Variants in WDR89 observed in about 807,000 individuals in gnomAD.
The protein encoded by WDR89 is WD repeat domain 89.
In WDR89, 17 loss-of-function variants were observed where a neutral mutation model predicts 29.1. The ratio of observed to expected loss-of-function variants is 0.58; its 90% CI spans 0.40 to 0.88. The LOEUF (loss-of-function observed/expected upper bound fraction) is 0.88, where lower values mean the gene tolerates loss of function less well. Among genes scored for constraint, WDR89 ranks in the 40% least tolerant of loss-of-function variants. WDR89 has a pLI of 0.00. For synonymous variants in WDR89, 138 were observed against 157.8 expected (o/e 0.87, Z 0.94); for missense variants, 396 against 456.3 (o/e 0.87, Z 1.20).
At chr14:63,638,018 T>C (rs1328187817) in intron 1 of WDR89, among the ~76,000 whole-genome samples, 1 of 152,026 alleles carries the variant, frequency 6.6e-6, no homozygotes, top group Non-Finnish European at 1.5e-5. Flanking sequence ...CGATCTTGGC[T>C]CACTGCAACC....
intron 1 of WDR89, among the ~76,000 whole-genome samples, chr14:63,631,453 T>C (rs941105469): frequency 2.0e-5 from 3 of 151,974 alleles, no homozygotes; most frequent in Admixed American, 2.0e-4. Context: ...GCAGGCTCAA[T>C]CTCCCAGGCT....
chr14:63,638,681 A>T (rs1178743739), intron 1 of WDR89, among the ~76,000 whole-genome samples: 1 of 152,246 alleles, frequency 6.6e-6, no homozygotes, highest in Non-Finnish European at 1.5e-5. Context: ...TCCAGTGGAA[A>T]AATTGGCGAA....
intron 2 of WDR89, chr14:63,618,250 G>T (rs1019324287): frequency 2.6e-5 from 4 of 152,160 alleles, no homozygotes; most frequent in African/African-American, 7.2e-5. Flanking sequence ...AGCATCCCAG[G>T]ATCAAATGAT....
In WDR89 at chr14:63,598,862, C is replaced by T. The variant is rs1388874515; in HGVS notation, c.1081G>A (p.Glu361Lys). Residue 361 changes from glutamate to lysine, a missense_variant, in exon 3 of 3, where the codon GAG (glutamate) becomes AAG (lysine). Transcript: ENST00000620954. The part of the protein sequence containing the change: ...GAIEKTFTKK[E>K]SMKIASSVHQ... ...ACAGAGGATGCTATTTTCATACTCT[C>T]TTTCTTTGTAAAGGTCTTCTCTATA... The T allele has an allele frequency of 6.2e-7, 1 of 1,614,002 alleles. No homozygotes were observed. The highest frequency in any genetic ancestry group is 2.2e-5 in the East Asian group (1 of 44,894).
intron 1 of WDR89, among the ~76,000 whole-genome samples, chr14:63,633,885 A>G (rs992732095): frequency 6.6e-6 from 1 of 152,234 alleles, no homozygotes; most frequent in African/African-American, 2.4e-5. Flanking sequence ...AGAACTGAAA[A>G]TCATGTACGG....
chr14:63,629,756 G>A (rs532953862), intron 1 of WDR89, among the ~76,000 whole-genome samples: 28 of 152,240 alleles, frequency 1.8e-4, no homozygotes, highest in Middle Eastern at 3.4e-3. Flanking sequence ...CAACTAAAAC[G>A]TCAAACTTTA....
chr14:63,600,916 GCCCA>G (rs1895036840), intron 2 of WDR89, among the ~76,000 whole-genome samples: 1 of 152,002 alleles, frequency 6.6e-6, no homozygotes, highest in South Asian at 2.1e-4. Context: ...TATCACCGTG[GCCCA>G]ATATGGTAAC....
At chr14:63,607,660 T>C (rs1881660491) in intron 2 of WDR89, among the ~76,000 whole-genome samples, 1 of 151,684 alleles carries the variant, frequency 6.6e-6, no homozygotes, top group Non-Finnish European at 1.5e-5. Context: ...GGCAGGCAGA[T>C]CACCTGAGGT....
intron 2 of WDR89, among the ~76,000 whole-genome samples, chr14:63,602,087 G>A (rs1895089366): frequency 6.6e-6 from 1 of 152,096 alleles, no homozygotes; most frequent in Non-Finnish European, 1.5e-5. Context: ...TCTTTAAAAG[G>A]GGAAATGAGT....
chr14:63,636,635 C>T (rs944212191), intron 1 of WDR89, among the ~76,000 whole-genome samples: 8 of 152,146 alleles, frequency 5.3e-5, no homozygotes, highest in Admixed American at 1.3e-4. Context: ...AACTGATCTT[C>T]GACAAAGCAA....
At chr14:63,634,136 C>T (rs146492660) in intron 1 of WDR89, among the ~76,000 whole-genome samples, 41 of 152,158 alleles carry the variant, frequency 2.7e-4, no homozygotes, top group African/African-American at 9.4e-4. Context: ...CCTATAAACC[C>T]AACACTTTGG....
chr14:63,613,284 C>G (rs1882102425), intron 2 of WDR89, among the ~76,000 whole-genome samples: 1 of 151,990 alleles, frequency 6.6e-6, no homozygotes, highest in Admixed American at 6.6e-5. Context: ...AATCTGCTTG[C>G]AGAGGTGGCA....
intron 2 of WDR89, among the ~76,000 whole-genome samples, chr14:63,610,458 G>T (rs1437486227): frequency 6.6e-6 from 1 of 151,978 alleles, no homozygotes; most frequent in Non-Finnish European, 1.5e-5. Context: ...AAAGAATAGA[G>T]AAGAATAGAG....
At chr14:63,602,251 T>A (rs1895099554) in intron 2 of WDR89, among the ~76,000 whole-genome samples, 1 of 151,578 alleles carries the variant, frequency 6.6e-6, no homozygotes, top group Non-Finnish European at 1.5e-5. Flanking sequence ...GAGGCAGCGA[T>A]CACTGAGGTC....
At position 63,599,192 on chromosome 14, in the gene WDR89, T is replaced by C; in HGVS notation, c.751A>G (p.Thr251Ala). ...TTCAAACGTGTAACTGGTTCATCAG[T>C]GTCCAGATGATTAAGATCCCACCAA... Reference protein sequence around the residue: ...FYWWDLNHLDTDEPVTRLNIQ... With the variant: ...FYWWDLNHLDADEPVTRLNIQ... The change falls in exon 3 of 3, where the codon ACT (threonine) becomes GCT (alanine). Residue 251 changes from threonine (T) to alanine (A), a missense_variant. Thr to Ala is a moderately conservative substitution (Grantham distance 58, BLOSUM62 0). Coordinates refer to ENST00000620954, the MANE Select transcript of WDR89 (RefSeq NM_080666.4). The C allele has an allele frequency of 6.2e-7, 1 of 1,608,394 alleles. No homozygotes were observed. Among genetic ancestry groups the C allele is most frequent in the Non-Finnish European group, 8.5e-7 (1 of 1,176,180 alleles).
chr14:63,627,302 G>A (rs1291415378), intron 1 of WDR89, among the ~76,000 whole-genome samples: 11 of 151,938 alleles, frequency 7.2e-5, no homozygotes, highest in Non-Finnish European at 1.3e-4. Flanking sequence ...AAATATATGC[G>A]TATGTAAGGA....
intron 2 of WDR89, among the ~76,000 whole-genome samples, chr14:63,613,311 G>C (rs2139519798): frequency 6.7e-6 from 1 of 150,044 alleles, no homozygotes; most frequent in South Asian, 2.1e-4. Context: ...AACTTCTTAG[G>C]GGACAAGTGA....
chr14:63,626,535 G>A lies in WDR89; in HGVS notation c.-137-1502C>T, dbSNP rs543520437. ...CTACTAAAAATACAAAAATGAGCTA[G>A]GTGTGGTGGTGCACGCCTGTAATCC... On this transcript the variant is annotated intron_variant, in intron 1 of 2. Coordinates refer to ENST00000620954, the MANE Select transcript of WDR89 (RefSeq NM_080666.4). Among the ~76,000 whole-genome samples the A allele has an allele frequency of 1.1e-4, 16 of 151,538 alleles. No homozygotes were observed. The South Asian group carries it at 3.3e-3, about 32-fold the overall frequency.
chr14:63,602,827 G>A (rs12323705), intron 2 of WDR89, among the ~76,000 whole-genome samples: 1 of 151,602 alleles, frequency 6.6e-6, no homozygotes, highest in East Asian at 1.9e-4. Context: ...ATATAAGGGA[G>A]AATTTGGATC....
Sources: gnomAD v4.1 joint callset for allele counts (sites outside exome capture counted in the v4.1 genomes callset) on GRCh38, gnomAD v4.1.1 for gene constraint, MANE v1.5 for transcripts, NCBI Gene and HGNC (gene_info 2026-07-23, HGNC 2026-07-21) for gene names.